The following ENTREP2 variants were observed in gnomAD, a reference collection of about 807,000 sequenced individuals.
ENTREP2 encodes the protein protein ENTREP2.
the ENTREP2 span, among the ~76,000 whole-genome samples, chr15:29,204,431 G>A: frequency 6.6e-6 from 1 of 152,224 alleles, no homozygotes; most frequent in South Asian, 2.1e-4. Flanking sequence ...GAGCAGGGCA[G>A]AGGGCTGGGA....
chr15:29,356,059 G>A, the ENTREP2 span, among the ~76,000 whole-genome samples: 2 of 151,714 alleles, frequency 1.3e-5, no homozygotes, highest in Non-Finnish European at 2.9e-5. Flanking sequence ...TAGCGATGGT[G>A]GTCACCCAGG....
At chr15:29,449,571 T>C in the ENTREP2 span, among the ~76,000 whole-genome samples, 5 of 152,168 alleles carry the variant, frequency 3.3e-5, no homozygotes, top group Non-Finnish European at 5.9e-5. Context: ...ACCAACATGT[T>C]AGTCACACTA....
chr15:29,269,243 T>G, the ENTREP2 span: 2 of 1,614,128 alleles, frequency 1.2e-6, no homozygotes, highest in Non-Finnish European at 1.7e-6. Flanking sequence ...AGGGTGTTGA[T>G]GAGGATGTAA....
chr15:29,247,456 T>C, the ENTREP2 span, among the ~76,000 whole-genome samples: 1 of 152,148 alleles, frequency 6.6e-6, no homozygotes, highest in South Asian at 2.1e-4. Flanking sequence ...GGGTAAGCGG[T>C]AGAACTTGTC....
the ENTREP2 span, among the ~76,000 whole-genome samples, chr15:29,499,782 ACT>A: frequency 4.6e-5 from 7 of 152,260 alleles, no homozygotes; most frequent in South Asian, 1.5e-3. Context: ...AATGAACTAA[ACT>A]CTCTAAGAGA....
the ENTREP2 span, among the ~76,000 whole-genome samples, chr15:29,285,152 G>A: frequency 6.6e-6 from 1 of 152,180 alleles, no homozygotes; most frequent in South Asian, 2.1e-4. Flanking sequence ...GCTCCCTGAC[G>A]CTGGAGTGGG....
chr15:29,583,077 T>G, the ENTREP2 span, among the ~76,000 whole-genome samples: 1 of 152,166 alleles, frequency 6.6e-6, no homozygotes, highest in East Asian at 1.9e-4. Flanking sequence ...AAAAAGAAGA[T>G]ATTTTGGGGG....
the ENTREP2 span, among the ~76,000 whole-genome samples, chr15:29,487,890 G>A: frequency 6.6e-6 from 1 of 152,136 alleles, no homozygotes; most frequent in African/African-American, 2.4e-5. Flanking sequence ...ACGGGATTTT[G>A]CCATGTTGGC....
chr15:29,480,360 A>C, the ENTREP2 span, among the ~76,000 whole-genome samples: 10 of 147,920 alleles, frequency 6.8e-5, no homozygotes, highest in Middle Eastern at 6.9e-3. Flanking sequence ...AAAAAAAAAA[A>C]AAAAAACCCA....
At chr15:29,225,022 G>A in the ENTREP2 span, among the ~76,000 whole-genome samples, 14 of 152,310 alleles carry the variant, frequency 9.2e-5, no homozygotes, top group East Asian at 9.7e-4. Context: ...CCGGGCCGGC[G>A]GGCTGGCCGG....
the ENTREP2 span, among the ~76,000 whole-genome samples, chr15:29,344,243 G>A: frequency 1.3e-5 from 2 of 152,164 alleles, no homozygotes; most frequent in African/African-American, 2.4e-5. Flanking sequence ...TTCACGCTGC[G>A]TGCAAGGATT....
the ENTREP2 span, among the ~76,000 whole-genome samples, chr15:29,599,028 G>A: frequency 2.0e-5 from 3 of 152,112 alleles, no homozygotes; most frequent in East Asian, 5.8e-4. Context: ...CAGTCCAAGG[G>A]TACTTCCTCA....
chr15:29,527,303 G>T, the ENTREP2 span, among the ~76,000 whole-genome samples: 2 of 152,248 alleles, frequency 1.3e-5, no homozygotes, highest in East Asian at 3.9e-4. Flanking sequence ...TAGTCTGTGA[G>T]ATCTAAGTAG....
the ENTREP2 span, chr15:29,128,902 C>G: frequency 6.9e-7 from 1 of 1,458,498 alleles, no homozygotes; most frequent in South Asian, 1.2e-5. Context: ...GCGGCTGGTC[C>G]GTGGGAACGC....
the ENTREP2 span, among the ~76,000 whole-genome samples, chr15:29,562,981 A>G: frequency 0.92 from 139,821 of 152,128 alleles, 64,402 homozygotes; most frequent in East Asian, 0.98. Flanking sequence ...CAGTAGAAAC[A>G]GGGTTTTGCC....
At chr15:29,203,098 A>C in the ENTREP2 span, among the ~76,000 whole-genome samples, 2,770 of 152,316 alleles carry the variant, frequency 0.018, 53 homozygotes, top group African/African-American at 0.048. Flanking sequence ...TTACACTCCC[A>C]CAACAGTATA....
the ENTREP2 span, among the ~76,000 whole-genome samples, chr15:29,473,213 T>C: frequency 6.6e-6 from 1 of 152,134 alleles, no homozygotes; most frequent in East Asian, 1.9e-4. Flanking sequence ...AGCCACACCA[T>C]ACCCAGGCTG....
the ENTREP2 span, among the ~76,000 whole-genome samples, chr15:29,664,485 A>G: frequency 6.8e-6 from 1 of 147,454 alleles, no homozygotes; most frequent in Non-Finnish European, 1.5e-5. Context: ...GCACTGCCTG[A>G]TGTTCCCTCC....
the ENTREP2 span, among the ~76,000 whole-genome samples, chr15:29,207,334 G>A: frequency 5.9e-5 from 9 of 151,474 alleles, no homozygotes; most frequent in East Asian, 2.0e-4. Context: ...TTCCCAGCGA[G>A]TGTTACAGCT....
Sources: allele counts gnomAD v4.1 joint callset (sites outside exome capture counted in the v4.1 genomes callset), GRCh38; gene constraint gnomAD v4.1.1; transcripts MANE v1.5; gene names NCBI Gene and HGNC (gene_info 2026-07-23, HGNC 2026-07-21).